ROBO2: variants seen among roughly 807,000 people sequenced by gnomAD.
ROBO2 encodes roundabout guidance receptor 2.
In ROBO2, 53 loss-of-function variants were observed where a neutral mutation model predicts 160.8. That is an observed-to-expected ratio of 0.33 (90% CI 0.26 to 0.41). The LOEUF (loss-of-function observed/expected upper bound fraction) is 0.41. ROBO2 is among the 10% of genes least tolerant of loss of function. ROBO2 has a pLI of 1.00. For missense variants in ROBO2, 1,577 were observed against 1,722.4 expected, an observed-to-expected ratio of 0.92 and a Z score of 1.49; for synonymous variants, 664 against 611.7, an observed-to-expected ratio of 1.09 and a Z score of -1.26.
At chr3:76,208,644 T>A (rs1409348540) in intron 2 of ROBO2, among the ~76,000 whole-genome samples, 2 of 152,160 alleles carry the variant, frequency 1.3e-5, no homozygotes, top group African/African-American at 4.8e-5. Context: ...TGATTACAGT[T>A]CTAGAAATCT....
intron 2 of ROBO2, among the ~76,000 whole-genome samples, chr3:76,275,243 C>A (rs958391746): frequency 2.0e-4 from 30 of 152,178 alleles, no homozygotes; most frequent in African/African-American, 6.7e-4. Flanking sequence ...TCCCCAGTTA[C>A]AATTTAAGTA....
intron 2 of ROBO2, among the ~76,000 whole-genome samples, chr3:76,734,933 GT>G: frequency 6.6e-6 from 1 of 152,276 alleles, no homozygotes; most frequent in Non-Finnish European, 1.5e-5. Flanking sequence ...TTTGACATAA[GT>G]AGTAATGCAA....
intron 2 of ROBO2, among the ~76,000 whole-genome samples, chr3:75,980,437 A>G (rs1373596244): frequency 6.6e-6 from 1 of 151,276 alleles, no homozygotes; most frequent in South Asian, 2.1e-4. Flanking sequence ...TTTTCTGCTT[A>G]GTATTCATTG....
intron 2 of ROBO2, among the ~76,000 whole-genome samples, chr3:76,521,418 C>A (rs774736618): frequency 5.9e-5 from 9 of 152,210 alleles, no homozygotes; most frequent in Admixed American, 3.3e-4. Context: ...TCCAGGTAGT[C>A]ATTGTTGCCA....
At chr3:76,485,653 C>T (rs976056052) in intron 2 of ROBO2, among the ~76,000 whole-genome samples, 1 of 152,106 alleles carries the variant, frequency 6.6e-6, no homozygotes, top group Non-Finnish European at 1.5e-5. Flanking sequence ...AAAGGCTATA[C>T]ATCTCTGCCT....
intron 2 of ROBO2, among the ~76,000 whole-genome samples, chr3:76,970,663 A>G (rs1311829890): frequency 1.3e-5 from 2 of 152,210 alleles, no homozygotes; most frequent in African/African-American, 4.8e-5. Flanking sequence ...CAATGAATCA[A>G]TGGAATGAAT....
chr3:76,920,345 C>T (rs1291310976), intron 2 of ROBO2, among the ~76,000 whole-genome samples: 5 of 152,088 alleles, frequency 3.3e-5, no homozygotes, highest in Non-Finnish European at 7.4e-5. Flanking sequence ...AATAAATTTG[C>T]TGCCATCATG....
chr3:76,774,704 G>A (rs1005670523), intron 2 of ROBO2, among the ~76,000 whole-genome samples: 6 of 150,584 alleles, frequency 4.0e-5, no homozygotes, highest in South Asian at 2.1e-4. Context: ...AATTATTTGC[G>A]TTTGAAAGAA....
intron 2 of ROBO2, among the ~76,000 whole-genome samples, chr3:76,224,256 A>G (rs573930509): frequency 1.4e-3 from 211 of 152,324 alleles, no homozygotes; most frequent in African/African-American, 3.9e-3. Flanking sequence ...GAGAACCAGG[A>G]AAGACAGTTG....
At chr3:77,522,827 G>C in exon 6 of ROBO2, 2 of 1,609,736 alleles carry the variant, frequency 1.2e-6, no homozygotes, top group Non-Finnish European at 1.7e-6. Flanking sequence ...CATGAGTACA[G>C]ATGAAGGCAC....
At position 77,040,976 on chromosome 3, in the gene ROBO2, A is replaced by G. The variant is rs1014802705; in HGVS notation, c.61+130A>G. ...GTCTGTTAGTCCGTTTTGGCCCGGC[A>G]CGGGCTCCTTGGGGGCAGAGGTTTT... On this transcript the variant is annotated intron_variant, in intron 1 of 25. Coordinates refer to ENST00000461745, the Ensembl canonical transcript of ROBO2. The G allele has an allele frequency of 5.8e-6, 7 of 1,216,738 alleles. No individual in the cohort carries two copies. The East Asian group carries it at 1.6e-4, about 29-fold the overall frequency. The allele number at this position is 1,216,738 out of a possible 1,614,324, so 75.4% of individuals were successfully genotyped here. A position where few individuals can be genotyped will look rare whatever the true frequency, so the allele number is the denominator to read the frequency against.
chr3:76,634,906 C>T (rs542301042), intron 2 of ROBO2, among the ~76,000 whole-genome samples: 2 of 152,308 alleles, frequency 1.3e-5, no homozygotes, highest in East Asian at 3.9e-4. Flanking sequence ...ATTGGATTCT[C>T]ATAGGAGTGT....
intron 2 of ROBO2, among the ~76,000 whole-genome samples, chr3:76,864,853 T>A (rs1029526295): frequency 6.6e-6 from 1 of 152,108 alleles, no homozygotes; most frequent in Admixed American, 6.6e-5. Context: ...GTTAGCTAAA[T>A]AGATTTGTAC....
intron 2 of ROBO2, among the ~76,000 whole-genome samples, chr3:77,409,700 G>T (rs1404580756): frequency 6.6e-6 from 1 of 152,226 alleles, no homozygotes; most frequent in East Asian, 1.9e-4. Context: ...GTAAGCAAAT[G>T]ACTCTTTGTC....
At chr3:76,878,100 C>G (rs562415416) in intron 2 of ROBO2, among the ~76,000 whole-genome samples, 3 of 152,128 alleles carry the variant, frequency 2.0e-5, no homozygotes, top group South Asian at 4.2e-4. Context: ...AATTTGGTGT[C>G]GGAGTATGAT....
At chr3:76,779,127 G>A (rs1388619818) in intron 2 of ROBO2, among the ~76,000 whole-genome samples, 1 of 150,914 alleles carries the variant, frequency 6.6e-6, no homozygotes, top group Admixed American at 6.6e-5. Flanking sequence ...TACCATGGAG[G>A]CATTTTCTTC....
intron 2 of ROBO2, among the ~76,000 whole-genome samples, chr3:76,690,097 A>G (rs1208343070): frequency 6.6e-6 from 1 of 152,134 alleles, no homozygotes; most frequent in Non-Finnish European, 1.5e-5. Flanking sequence ...GTTGTCCAGA[A>G]TCAAAAATGT....
At chr3:76,813,956 G>T (rs1356965050) in intron 2 of ROBO2, among the ~76,000 whole-genome samples, 1 of 152,008 alleles carries the variant, frequency 6.6e-6, no homozygotes, top group African/African-American at 2.4e-5. Flanking sequence ...ACTTTTAAAT[G>T]ATCACATAAT....
chr3:77,266,972 G>A (rs1289323985), intron 2 of ROBO2, among the ~76,000 whole-genome samples: 1 of 152,016 alleles, frequency 6.6e-6, no homozygotes, highest in African/African-American at 2.4e-5. Flanking sequence ...CTGATGAGCT[G>A]TTCCAATATT....
Sources: gnomAD v4.1 joint callset for allele counts (sites outside exome capture counted in the v4.1 genomes callset) on GRCh38, gnomAD v4.1.1 for gene constraint, MANE v1.5 for transcripts, NCBI Gene and HGNC (gene_info 2026-07-23, HGNC 2026-07-21) for gene names.